The following APBB1IP variants were observed in gnomAD, a reference collection of about 807,000 sequenced individuals.
The protein encoded by APBB1IP is amyloid beta A4 precursor protein-binding family B member 1-interacting protein.
APBB1IP carries 27 observed loss-of-function variants against 64.9 expected under a neutral mutation model. The observed-to-expected ratio is 0.42, with a 90% CI of 0.31 to 0.57. The LOEUF is 0.57. Ranked by LOEUF, APBB1IP falls within the 20% of genes least tolerant of loss-of-function variation. The probability of loss-of-function intolerance (pLI) is 0.20; values close to 1 mark genes in which losing one functional copy is unlikely to be tolerated. For missense variants in APBB1IP, 812 were observed against 845.5 expected (o/e 0.96, Z 0.49); for synonymous variants, 392 against 331.0 (o/e 1.18, Z -2.00).
chr10:26,494,882 A>G (rs1348712664), intron 3 of APBB1IP, among the ~76,000 whole-genome samples: 1 of 152,126 alleles, frequency 6.6e-6, no homozygotes, highest in Admixed American at 6.5e-5. Flanking sequence ...TTATATTCCC[A>G]ATAAGAGTCA....
At chr10:26,510,816 A>G (rs1836248321) in intron 6 of APBB1IP, among the ~76,000 whole-genome samples, 1 of 151,726 alleles carries the variant, frequency 6.6e-6, no homozygotes, top group Non-Finnish European at 1.5e-5. Flanking sequence ...AAAACAGCTT[A>G]TTTCTCAGTC....
At chr10:26,455,256 A>G (rs375442465) in intron 2 of APBB1IP, among the ~76,000 whole-genome samples, 17 of 152,320 alleles carry the variant, frequency 1.1e-4, no homozygotes, top group Non-Finnish European at 2.1e-4. Context: ...AGGCCTGGGC[A>G]CAGTGGCTCA....
chr10:26,482,651 GA>G (rs1258555875), intron 2 of APBB1IP, among the ~76,000 whole-genome samples: 1 of 151,726 alleles, frequency 6.6e-6, no homozygotes, highest in Non-Finnish European at 1.5e-5. Flanking sequence ...TTATTTCCTA[GA>G]AAAAAATGTT....
chr10:26,553,363 T>A (rs1446262635), intron 11 of APBB1IP, among the ~76,000 whole-genome samples: 2 of 151,722 alleles, frequency 1.3e-5, no homozygotes, highest in Non-Finnish European at 2.9e-5. Flanking sequence ...TCAACAACAT[T>A]CCTTTCAGCC....
rs1050112372 is a variant in APBB1IP at position 26,541,469 on chromosome 10, A to C, written c.1045-113A>C. 4 of 734,612 alleles carry C rather than the reference A, an allele frequency of 5.4e-6. No homozygotes were observed. In the African/African-American group the frequency reaches 5.5e-5, roughly 10 times the overall value. 45.5% of individuals were successfully genotyped at this position (734,612 alleles called of 1,614,324 possible). ...CAGATGTTTATATAAATTACCTAAA[A>C]GTCAATATTTTCTTTACTAAAATAT... is the stretch of plus-strand genomic sequence containing the variant. On this transcript the variant is annotated intron_variant, in intron 10 of 14. Coordinates refer to ENST00000376236, the MANE Select transcript of APBB1IP (RefSeq NM_019043.4).
At chr10:26,478,326 AG>A (rs1249435428) in intron 2 of APBB1IP, among the ~76,000 whole-genome samples, 2 of 152,214 alleles carry the variant, frequency 1.3e-5, no homozygotes, top group Non-Finnish European at 2.9e-5. Context: ...ATAAAATCCA[AG>A]GGGCCAGTGA....
chr10:26,543,730 C>T (rs1836726868), intron 11 of APBB1IP, among the ~76,000 whole-genome samples: 2 of 152,020 alleles, frequency 1.3e-5, no homozygotes, highest in Non-Finnish European at 2.9e-5. Context: ...AGGGCTGGGG[C>T]CAGGGCTCCT....
At chr10:26,462,014 T>C (rs1185315629) in intron 2 of APBB1IP, among the ~76,000 whole-genome samples, 1 of 152,184 alleles carries the variant, frequency 6.6e-6, no homozygotes, top group Non-Finnish European at 1.5e-5. Flanking sequence ...TTTGCTAACT[T>C]TGTCTTTTCT....
chr10:26,538,652 A>AG (rs1463877332), intron 10 of APBB1IP, among the ~76,000 whole-genome samples: 1 of 151,912 alleles, frequency 6.6e-6, no homozygotes, highest in East Asian at 1.9e-4. Context: ...AAAAAAAAAA[A>AG]AAAAAGTAGA....
intron 11 of APBB1IP, among the ~76,000 whole-genome samples, chr10:26,558,234 T>C (rs1189145125): frequency 6.6e-6 from 1 of 152,062 alleles, no homozygotes; most frequent in East Asian, 1.9e-4. Flanking sequence ...TAATGACCCA[T>C]GAAAATTTAC....
At chr10:26,486,818 T>C (rs1248401086) in intron 2 of APBB1IP, among the ~76,000 whole-genome samples, 2 of 152,096 alleles carry the variant, frequency 1.3e-5, no homozygotes, top group Non-Finnish European at 2.9e-5. Flanking sequence ...AGAGAAACGA[T>C]TTAAGGATTG....
At chr10:26,447,246 G>C (rs1031965508) in intron 2 of APBB1IP, among the ~76,000 whole-genome samples, 1 of 151,630 alleles carries the variant, frequency 6.6e-6, no homozygotes, top group African/African-American at 2.4e-5. Context: ...ATGGTGGTGG[G>C]TGCCTGTAGT....
At position 26,438,688 on chromosome 10, in the gene APBB1IP, T is replaced by A. The variant is rs771466564; in HGVS notation, c.-166T>A. Reference sequence around the variant, plus strand: ...GCACCTCGGAGCAAAGCAGCTCGGATAGCGCCACACGTCTGCGCGCTGCGT... The same window carrying A: ...GCACCTCGGAGCAAAGCAGCTCGGAAAGCGCCACACGTCTGCGCGCTGCGT... On this transcript the variant is annotated 5_prime_UTR_variant, in exon 2 of 15. Transcript: ENST00000376236. The A allele has an allele frequency of 3.3e-5, 5 of 152,122 alleles. No homozygotes were observed. Among genetic ancestry groups the A allele is most frequent in the Non-Finnish European group, 7.3e-5 (5 of 68,054 alleles). 9.4% of individuals were successfully genotyped at this position (152,122 alleles called of 1,614,324 possible). A position where few individuals can be genotyped will look rare whatever the true frequency, so the allele number is the denominator to read the frequency against.
At chr10:26,563,061 G>A (rs1302050283) in intron 14 of APBB1IP, among the ~76,000 whole-genome samples, 2 of 152,148 alleles carry the variant, frequency 1.3e-5, no homozygotes, top group African/African-American at 4.8e-5. Context: ...TCTGATAGTA[G>A]CACATCCAAG....
chr10:26,549,781 G>A (rs1471817077), intron 11 of APBB1IP, among the ~76,000 whole-genome samples: 1 of 151,352 alleles, frequency 6.6e-6, no homozygotes, highest in Non-Finnish European at 1.5e-5. Context: ...TAATATTTGT[G>A]TTTTAGCCTC....
intron 4 of APBB1IP, 76 bp downstream of exon 4, chr10:26,496,467 G>A: frequency 8.1e-7 from 1 of 1,229,550 alleles, no homozygotes; most frequent in East Asian, 2.4e-5. Flanking sequence ...ACTATAATTT[G>A]AAAACTAAAT....
At chr10:26,470,348 C>A (rs1421907455) in intron 2 of APBB1IP, among the ~76,000 whole-genome samples, 1 of 152,078 alleles carries the variant, frequency 6.6e-6, no homozygotes, top group Non-Finnish European at 1.5e-5. Flanking sequence ...ACCACCCTGA[C>A]CAATATGGTG....
At position 26,560,722 on chromosome 10, in the gene APBB1IP, C is replaced by G; in HGVS notation, c.1255-8C>G. On this transcript the variant is annotated splice_polypyrimidine_tract_variant and splice_region_variant and intron_variant, in intron 12 of 14. Transcript: ENST00000376236. Reference sequence around the variant, plus strand: ...TCCTTTCCTTCTTCCTTTGTGTTCTCTCCCCAGTATGGGAAGACTCTCTAT... The same window carrying G: ...TCCTTTCCTTCTTCCTTTGTGTTCTGTCCCCAGTATGGGAAGACTCTCTAT... 1 of 1,567,240 alleles carries G rather than the reference C, an allele frequency of 6.4e-7. No individual in the cohort carries two copies. The highest frequency in any genetic ancestry group is 8.7e-7 in the Non-Finnish European group (1 of 1,155,398).
intron 10 of APBB1IP, among the ~76,000 whole-genome samples, chr10:26,540,731 A>C (rs1202681275): frequency 6.6e-6 from 1 of 152,176 alleles, no homozygotes; most frequent in Non-Finnish European, 1.5e-5. Context: ...TTTGTAATTG[A>C]AGTGTAACCA....
Sources: gnomAD v4.1 joint callset for allele counts (sites outside exome capture counted in the v4.1 genomes callset) on GRCh38, gnomAD v4.1.1 for gene constraint, MANE v1.5 for transcripts, NCBI Gene and HGNC (gene_info 2026-07-23, HGNC 2026-07-21) for gene names.